SNX29: variants seen among roughly 807,000 people sequenced by gnomAD.
SNX29 encodes the protein sorting nexin 29, also known as sorting nexin-29.
Under a neutral mutation model 102.1 loss-of-function variants are expected in SNX29, and 78 were observed. The observed-to-expected ratio is 0.76, with a 90% confidence interval of 0.64 to 0.92. The LOEUF is 0.92. SNX29 is among the 40% of genes least tolerant of loss of function. The probability of loss-of-function intolerance (pLI) is 0.00; values close to 1 mark genes in which losing one functional copy is unlikely to be tolerated. For missense variants in SNX29, 1,280 were observed against 1,061.7 expected, an observed-to-expected ratio of 1.21 and a Z score of -2.86; for synonymous variants, 580 against 414.5, an observed-to-expected ratio of 1.40 and a Z score of -4.85.
intron 12 of SNX29, among the ~76,000 whole-genome samples, chr16:12,127,739 C>T (rs921089359): frequency 2.0e-5 from 3 of 152,112 alleles, no homozygotes; most frequent in African/African-American, 7.2e-5. Context: ...AGCTGTTAGT[C>T]ATCATTAATC....
intron 20 of SNX29, among the ~76,000 whole-genome samples, chr16:12,549,880 C>A (rs1182033736): frequency 6.6e-6 from 1 of 152,254 alleles, no homozygotes; most frequent in Admixed American, 6.5e-5. Flanking sequence ...ATGGTTCAGA[C>A]TAGAACAGAG....
intron 19 of SNX29, among the ~76,000 whole-genome samples, chr16:12,478,229 T>C (rs1294025644): frequency 6.6e-6 from 1 of 152,250 alleles, no homozygotes; most frequent in East Asian, 1.9e-4. Flanking sequence ...AGTATGGCTA[T>C]GTGCCAATAG....
At chr16:12,284,061 T>A (rs1025360676) in intron 15 of SNX29, among the ~76,000 whole-genome samples, 2 of 152,262 alleles carry the variant, frequency 1.3e-5, no homozygotes, top group African/African-American at 4.8e-5. Context: ...TTTACCTCTT[T>A]TAAGTACATT....
chr16:12,170,151 G>T (rs945697336), intron 13 of SNX29, among the ~76,000 whole-genome samples: 2 of 152,040 alleles, frequency 1.3e-5, no homozygotes, highest in Non-Finnish European at 2.9e-5. Flanking sequence ...TCCAGATGTT[G>T]CCCAGTGTCC....
intron 18 of SNX29, among the ~76,000 whole-genome samples, chr16:12,427,155 T>C (rs2151612067): frequency 6.6e-6 from 1 of 152,176 alleles, no homozygotes; most frequent in Admixed American, 6.5e-5. Flanking sequence ...CCCCTTGGGG[T>C]CTGCAGAGCC....
chr16:12,226,310 C>A (rs1479872853), intron 14 of SNX29, among the ~76,000 whole-genome samples: 1 of 152,148 alleles, frequency 6.6e-6, no homozygotes, highest in Non-Finnish European at 1.5e-5. Flanking sequence ...CACCTCCCTG[C>A]AACAGGAGAA....
chr16:12,057,014 G>A (rs1312631703), intron 8 of SNX29, among the ~76,000 whole-genome samples: 1 of 151,994 alleles, frequency 6.6e-6, no homozygotes, highest in African/African-American at 2.4e-5. Flanking sequence ...GGGTCTCAAG[G>A]CATTGCTCAG....
chr16:12,017,081 A>G (rs1422647171), intron 3 of SNX29, among the ~76,000 whole-genome samples: 2 of 152,178 alleles, frequency 1.3e-5, no homozygotes, highest in Admixed American at 6.5e-5. Flanking sequence ...GTGAGCCATG[A>G]TTTTGCCACT....
chr16:12,474,339 A>G (rs1018970786), intron 18 of SNX29, among the ~76,000 whole-genome samples: 4 of 152,282 alleles, frequency 2.6e-5, no homozygotes, highest in African/African-American at 9.6e-5. Context: ...AGTTTTAGGT[A>G]CCTAGGGAAT....
chr16:12,511,119 C>T (rs1434121966), intron 19 of SNX29, among the ~76,000 whole-genome samples: 1 of 152,194 alleles, frequency 6.6e-6, no homozygotes, highest in Non-Finnish European at 1.5e-5. Context: ...TCTCACTGTG[C>T]CAGGAGGAAA....
At chr16:12,520,464 C>T (rs1431628002) in intron 19 of SNX29, among the ~76,000 whole-genome samples, 3 of 152,204 alleles carry the variant, frequency 2.0e-5, no homozygotes, top group Non-Finnish European at 2.9e-5. Context: ...TGTGCAAGTT[C>T]CTCACCTTTC....
intron 20 of SNX29, among the ~76,000 whole-genome samples, chr16:12,563,208 TGAGGCTCATACC>T (rs1248777195): frequency 4.7e-4 from 2 of 4,218 alleles, no homozygotes; most frequent in African/African-American, 6.8e-3. Context: ...ATGCTGGGAT[TGAGGCTCATACC>T]CTGAAAGTGG....
chr16:12,494,617 T>G (rs1158933468), intron 19 of SNX29, among the ~76,000 whole-genome samples: 1 of 152,222 alleles, frequency 6.6e-6, no homozygotes, highest in Non-Finnish European at 1.5e-5. Context: ...CTCTACCAGC[T>G]CACAGCCACG....
chr16:12,169,704 A>G (rs572421390), intron 13 of SNX29, among the ~76,000 whole-genome samples: 37 of 152,136 alleles, frequency 2.4e-4, no homozygotes, highest in Non-Finnish European at 4.7e-4. Context: ...TACTAAAAAT[A>G]CAAAAAATTA....
intron 14 of SNX29, among the ~76,000 whole-genome samples, chr16:12,273,292 C>G (rs2079145609): frequency 2.0e-5 from 3 of 151,754 alleles, no homozygotes; most frequent in South Asian, 4.2e-4. Flanking sequence ...ACATAACATA[C>G]TGTTCAGCCT....
intron 19 of SNX29, among the ~76,000 whole-genome samples, chr16:12,516,969 G>A (rs137924203): frequency 6.6e-6 from 1 of 152,252 alleles, no homozygotes; most frequent in East Asian, 1.9e-4. Flanking sequence ...TTATCTTCTT[G>A]AAGCTCAAAA....
chr16:12,298,339 C>T (rs1335645073), intron 15 of SNX29, among the ~76,000 whole-genome samples: 1 of 152,196 alleles, frequency 6.6e-6, no homozygotes, highest in African/African-American at 2.4e-5. Flanking sequence ...CCTTAGACTC[C>T]TCATCCCCTG....
intron 19 of SNX29, among the ~76,000 whole-genome samples, chr16:12,499,472 C>T (rs78083932): frequency 0.027 from 4,061 of 152,256 alleles, 123 homozygotes; most frequent in African/African-American, 0.07. Context: ...TGGGGATCCT[C>T]CCTTAGTCTG....
chr16:12,129,783 G>A (rs1326646143), intron 13 of SNX29, 25 bp downstream of exon 13: 7 of 1,582,830 alleles, frequency 4.4e-6, no homozygotes, highest in Non-Finnish European at 5.2e-6. Flanking sequence ...GGGATGGAGA[G>A]GTAAGCACGT....
Sources: gnomAD v4.1 joint callset for allele counts (sites outside exome capture counted in the v4.1 genomes callset) on GRCh38, gnomAD v4.1.1 for gene constraint, MANE v1.5 for transcripts, NCBI Gene and HGNC (gene_info 2026-07-23, HGNC 2026-07-21) for gene names.